Variants in HEATR5B observed in about 807,000 individuals in gnomAD.
The protein encoded by HEATR5B is HEAT repeat containing 5B.
In HEATR5B, 156 loss-of-function variants were observed where a neutral mutation model predicts 224.1. That is an observed-to-expected ratio of 0.70 (90% confidence interval 0.61 to 0.80). The LOEUF (loss-of-function observed/expected upper bound fraction) is 0.80, where lower values mean the gene tolerates loss of function less well. HEATR5B is among the 30% of genes least tolerant of loss of function. HEATR5B has a pLI of 0.00. For synonymous variants in HEATR5B, 1,027 were observed against 893.0 expected (o/e 1.15, Z -2.68); for missense variants, 2,323 against 2,535.5 (o/e 0.92, Z 1.80).
chr2:36,991,960 TG>T (rs1666361525), intron 33 of HEATR5B, among the ~76,000 whole-genome samples: 1 of 152,226 alleles, frequency 6.6e-6, no homozygotes, highest in African/African-American at 2.4e-5. Context: ...CTGGGTGTGG[TG>T]GCTCATGCCT....
chr2:37,083,909 A>C (rs999332558), intron 1 of HEATR5B, among the ~76,000 whole-genome samples: 1 of 152,204 alleles, frequency 6.6e-6, no homozygotes, highest in Non-Finnish European at 1.5e-5. Context: ...CCCGAACTGC[A>C]GGTCTCCAAG....
chr2:37,015,290 T>G (rs1028422324), intron 26 of HEATR5B, among the ~76,000 whole-genome samples: 1 of 152,186 alleles, frequency 6.6e-6, no homozygotes, highest in Admixed American at 6.5e-5. Flanking sequence ...AATTGTGAGT[T>G]TCCATGGCCT....
At chr2:37,010,550 G>A (rs541924980) in intron 27 of HEATR5B, among the ~76,000 whole-genome samples, 1 of 149,012 alleles carries the variant, frequency 6.7e-6, no homozygotes, top group African/African-American at 2.5e-5. Context: ...GTCTCGATCT[G>A]TAACCCAGGC....
At chr2:37,072,585 C>T (rs909840078) in intron 5 of HEATR5B, among the ~76,000 whole-genome samples, 2 of 151,974 alleles carry the variant, frequency 1.3e-5, no homozygotes, top group African/African-American at 2.4e-5. Flanking sequence ...CTCAGCTTCA[C>T]CCTTAAAAAA....
At chr2:37,055,183 C>T (rs1670827744) in intron 16 of HEATR5B, 2 of 292,250 alleles carry the variant, frequency 6.8e-6, no homozygotes, top group South Asian at 3.1e-5. Flanking sequence ...TTTAATTTAA[C>T]ATTGTATCAT....
chr2:37,022,990 GA>G (rs1668558256), intron 24 of HEATR5B, among the ~76,000 whole-genome samples: 1 of 151,948 alleles, frequency 6.6e-6, no homozygotes, highest in Admixed American at 6.6e-5. Flanking sequence ...TCAGTGAATA[GA>G]AACAAGTCTA....
At position 37,037,112 on chromosome 2, in the gene HEATR5B, A is replaced by G. The variant is rs1669529394; in HGVS notation, c.3216+743T>C. ...TCAGAAGTATCAATCAAGCTTTAGGAAATAAAATTCCGAGTAGGAAAACTA... is the reference window on the plus strand; with the variant it reads ...TCAGAAGTATCAATCAAGCTTTAGGGAATAAAATTCCGAGTAGGAAAACTA... On this transcript the variant is annotated intron_variant, in intron 21 of 35. Transcript: ENST00000233099. Among the ~76,000 whole-genome samples, 6 of 141,772 alleles carry G rather than the reference A, an allele frequency of 4.2e-5. No individual in the cohort carries two copies. The South Asian group carries it at 1.4e-3, about 33-fold the overall frequency. The allele number at this position is 141,772 out of a possible 152,430, so 93.0% of individuals were successfully genotyped here.
At chr2:37,032,898 G>C (rs1361747942) in intron 21 of HEATR5B, 125 bp from the exon 22 acceptor site, 6 of 651,734 alleles carry the variant, frequency 9.2e-6, no homozygotes, top group Admixed American at 8.2e-5. Context: ...TTTTTTTTTT[G>C]AGACAGAGTT....
chr2:36,991,694 A>G (rs1303090953), intron 33 of HEATR5B, among the ~76,000 whole-genome samples: 2 of 152,188 alleles, frequency 1.3e-5, no homozygotes, highest in Admixed American at 1.3e-4. Context: ...AGTTCCAAAC[A>G]TTTTGTGATT....
At chr2:37,008,505 T>G (rs1438523477) in intron 28 of HEATR5B, 106 bp downstream of exon 28, 3 of 787,488 alleles carry the variant, frequency 3.8e-6, no homozygotes, top group African/African-American at 1.7e-5. Context: ...CCACAGAAAT[T>G]TAAACTGTTA....
intron 35 of HEATR5B, among the ~76,000 whole-genome samples, chr2:36,984,016 T>C (rs1047791408): frequency 2.0e-5 from 3 of 149,650 alleles, no homozygotes; most frequent in Admixed American, 6.7e-5. Flanking sequence ...CTGGCCAACA[T>C]GGTGAAACCC....
At chr2:37,017,687 C>CA (rs1056240189) in intron 26 of HEATR5B, among the ~76,000 whole-genome samples, 6,481 of 60,936 alleles carry the variant, frequency 0.11, 368 homozygotes, top group Non-Finnish European at 0.14. Context: ...AATTCCGTCT[C>CA]AAAAAAAAAA....
At position 36,985,980 on chromosome 2, in the gene HEATR5B, T is replaced by TA. The variant is rs931006296; in HGVS notation, c.5911+2665dup. 8.6e-5 allele frequency among the ~76,000 whole-genome samples: 13 copies of TA among 151,126 alleles called. No individual in the cohort carries two copies. In the South Asian group the frequency reaches 1.9e-3, roughly 22 times the overall value. ...TCAAAAAAATCAAACAATACAGAAT[T>TA]AAAAAAAAAGTTCCCTTCCCTATCT... is the stretch of plus-strand genomic sequence containing the variant. On this transcript the variant is annotated intron_variant, in intron 35 of 35. Coordinates refer to ENST00000233099, the MANE Select transcript of HEATR5B (RefSeq NM_019024.3).
At chr2:37,058,284 A>G (rs1423330926) in intron 14 of HEATR5B, among the ~76,000 whole-genome samples, 167 bp downstream of exon 14, 1 of 152,220 alleles carries the variant, frequency 6.6e-6, no homozygotes, top group African/African-American at 2.4e-5. Context: ...CGAGACCCAG[A>G]ACACAGTAAG....
In HEATR5B at chr2:37,004,221, A is replaced by G. The variant is rs182617407; in HGVS notation, c.4906-535T>C. 4.3e-4 allele frequency among the ~76,000 whole-genome samples: 65 copies of G among 152,060 alleles called. 1 individual carries two copies. Among genetic ancestry groups the G allele is most frequent in the Admixed American group, 3.9e-3 (60 of 15,238 alleles). ...GGGGAAAAGACTTAACTGCAACCAA[A>G]GCCACCTTTACCTCTTTCCTTAAGA... On this transcript the variant is annotated intron_variant, in intron 30 of 35. Transcript: ENST00000233099.
At chr2:37,078,992 GCT>G (rs1472168289) in intron 3 of HEATR5B, 126 bp downstream of exon 3, 2 of 581,722 alleles carry the variant, frequency 3.4e-6, no homozygotes, top group Admixed American at 3.3e-5. Context: ...TCCACTTAGA[GCT>G]CTCACTGTTA....
At position 37,056,273 on chromosome 2, in the gene HEATR5B, A is replaced by AT. The variant is rs199763508; in HGVS notation, c.2399+166dup. On this transcript the variant is annotated intron_variant, in intron 16 of 35. Transcript: ENST00000233099. ...TCAAATTATGTGCAATTTGCATGCAATTTTTTTATCATGTATCTGTCACTT... is the reference window on the plus strand; with the variant it reads ...TCAAATTATGTGCAATTTGCATGCAATTTTTTTTATCATGTATCTGTCACTT... Among the ~76,000 whole-genome samples the AT allele has an allele frequency of 9.9e-3, 1,512 of 152,276 alleles. 28 individuals are homozygous for AT. The highest frequency in any genetic ancestry group is 0.034 in the African/African-American group (1,426 of 41,556).
Position 37,037,941 on chromosome 2 carries a change from G to A in HEATR5B, c.3130C>T (p.Gln1044Ter), listed in dbSNP as rs1409939923. The A allele has an allele frequency of 6.2e-7, 1 of 1,601,828 alleles. No homozygotes were observed. The highest frequency in any genetic ancestry group is 1.3e-5 in the African/African-American group (1 of 74,664). Residue 1044 changes from glutamine to a stop codon, truncating the protein, a stop_gained, in exon 21 of 36, where the codon CAG becomes TAG. Coordinates refer to ENST00000233099, the MANE Select transcript of HEATR5B (RefSeq NM_019024.3). LOFTEE classifies it high-confidence loss of function. ...ITQDHSDSLV[Q>*]AAAISCLQQL... ...TGAAGGCAAGATATGGCAGCTGCCT[G>A]AACAAGAGAATCTGAATGGTCTTGT...
chr2:37,078,644 A>C (rs1177659603), intron 3 of HEATR5B, among the ~76,000 whole-genome samples: 3 of 152,226 alleles, frequency 2.0e-5, no homozygotes, highest in African/African-American at 7.2e-5. Flanking sequence ...TAGTGATACC[A>C]GGTAACTACC....
Sources: allele counts gnomAD v4.1 joint callset (sites outside exome capture counted in the v4.1 genomes callset), GRCh38; gene constraint gnomAD v4.1.1; transcripts MANE v1.5; gene names NCBI Gene and HGNC (gene_info 2026-07-23, HGNC 2026-07-21).